The following CFAP20DC variants were observed in gnomAD, a reference collection of about 807,000 sequenced individuals.
The protein encoded by CFAP20DC is protein CFAP20DC.
Under a neutral mutation model 101.7 loss-of-function variants are expected in CFAP20DC, and 84 were observed. The observed-to-expected ratio is 0.83, with a 90% confidence interval of 0.69 to 0.99. The LOEUF is 0.99. CFAP20DC is among the 50% of genes least tolerant of loss of function. The pLI, the probability that CFAP20DC is intolerant of heterozygous loss-of-function variation, is 0.00. For synonymous variants in CFAP20DC, 359 were observed against 351.2 expected, an observed-to-expected ratio of 1.02 and a Z score of -0.25; for missense variants, 1,007 against 970.3, an observed-to-expected ratio of 1.04 and a Z score of -0.50.
intron 14 of CFAP20DC, among the ~76,000 whole-genome samples, chr3:58,820,812 C>T (rs929664397): frequency 2.7e-5 from 4 of 148,178 alleles, no homozygotes; most frequent in African/African-American, 1.0e-4. Flanking sequence ...TCATATGGAA[C>T]CAAAAAAGAG....
intron 15 of CFAP20DC, among the ~76,000 whole-genome samples, chr3:58,784,045 C>G (rs1575629351): frequency 6.8e-6 from 1 of 146,468 alleles, no homozygotes; most frequent in East Asian, 2.3e-4. Flanking sequence ...TCTATTGTTG[C>G]CATTTTTTTT....
chr3:58,992,507 C>T, intron 4 of CFAP20DC: 1 of 944,004 alleles, frequency 1.1e-6, no homozygotes, highest in Non-Finnish European at 1.3e-6. Flanking sequence ...AAAAACCTCA[C>T]CTCGTTCTTC....
chr3:58,781,592 A>T (rs559787275), intron 15 of CFAP20DC, among the ~76,000 whole-genome samples: 1 of 152,002 alleles, frequency 6.6e-6, no homozygotes, highest in Non-Finnish European at 1.5e-5. Context: ...ATCAGAAATG[A>T]AACCGAAGAT....
chr3:58,918,088 T>G (rs1559820387), intron 5 of CFAP20DC, among the ~76,000 whole-genome samples: 1 of 152,194 alleles, frequency 6.6e-6, no homozygotes, highest in Non-Finnish European at 1.5e-5. Flanking sequence ...AGTACTTACA[T>G]TCTCTGCATT....
chr3:58,832,465 G>GT lies in CFAP20DC; in HGVS notation c.1972-577dup, dbSNP rs146247818. On this transcript the variant is annotated intron_variant, in intron 13 of 16. Transcript: ENST00000482387. The stretch of plus-strand genomic sequence containing the variant: ...AGTAAATAAACAAAAACTCAAAGTA[G>GT]TTTTTTTTTTAAATTTGCCATTTAA... 2.6e-3 allele frequency among the ~76,000 whole-genome samples: 391 copies of GT among 149,512 alleles called. 1 individual carries two copies. Among genetic ancestry groups the GT allele is most frequent in the Middle Eastern group, 0.017 (5 of 290 alleles).
At chr3:58,951,588 A>T (rs2090112459) in intron 4 of CFAP20DC, among the ~76,000 whole-genome samples, 1 of 152,134 alleles carries the variant, frequency 6.6e-6, no homozygotes, top group Non-Finnish European at 1.5e-5. Flanking sequence ...TAAAAAATGA[A>T]GAGTTCATGT....
intron 4 of CFAP20DC, among the ~76,000 whole-genome samples, chr3:58,951,595 A>G (rs1042787460): frequency 8.5e-5 from 13 of 152,222 alleles, no homozygotes; most frequent in Non-Finnish European, 1.5e-5. Flanking sequence ...TGAAGAGTTC[A>G]TGTCATTTGT....
In CFAP20DC at chr3:58,859,907, G is replaced by A. The variant is rs1040850837; in HGVS notation, c.1593+3651C>T. On this transcript the variant is annotated intron_variant, in intron 12 of 16. Transcript: ENST00000482387. The surrounding 1 kb of genome is among the most constrained non-coding windows in gnomAD (Gnocchi z 4.1). ...TAAAAATCATTACTTGGCCAGGCGC[G>A]ATGGCTCATGCCTGTAATCCCAGCA... Among the ~76,000 whole-genome samples the A allele has an allele frequency of 6.6e-6, 1 of 152,178 alleles. No homozygotes were observed. Among genetic ancestry groups the A allele is most frequent in the Admixed American group, 6.5e-5 (1 of 15,268 alleles).
chr3:58,937,206 TTCA>T (rs1417389935), intron 5 of CFAP20DC, among the ~76,000 whole-genome samples: 2 of 152,226 alleles, frequency 1.3e-5, no homozygotes, highest in African/African-American at 4.8e-5. Context: ...AGATTAATTG[TTCA>T]CTGTTCTCCG....
chr3:58,992,545 C>A (rs2092975880), intron 4 of CFAP20DC: 1 of 984,038 alleles, frequency 1.0e-6, no homozygotes, highest in Non-Finnish European at 1.2e-6. Context: ...CTAGTCTACA[C>A]TAATCTCATT....
At chr3:58,862,371 G>A (rs2079322816) in intron 12 of CFAP20DC, 2 of 985,416 alleles carry the variant, frequency 2.0e-6, no homozygotes, top group Non-Finnish European at 1.2e-6. Context: ...TGTTATTAAA[G>A]GTGAAAGGAA....
At chr3:58,839,996 GAAAC>G (rs1413149329) in intron 13 of CFAP20DC, among the ~76,000 whole-genome samples, 1 of 152,096 alleles carries the variant, frequency 6.6e-6, no homozygotes. Context: ...GAAAATGAAA[GAAAC>G]AAACCATTCT....
At chr3:58,824,927 C>G (rs571015925) in intron 14 of CFAP20DC, among the ~76,000 whole-genome samples, 1 of 151,850 alleles carries the variant, frequency 6.6e-6, no homozygotes, top group Middle Eastern at 3.4e-3. Flanking sequence ...TCCCAATTAG[C>G]TGGGAATACA....
chr3:59,003,218 TA>T lies in CFAP20DC; in HGVS notation c.278+36338del, dbSNP rs533252633. Among the ~76,000 whole-genome samples the T allele has an allele frequency of 2.4e-3, 368 of 152,330 alleles. 1 individual carries two copies. The highest frequency in any genetic ancestry group is 0.011 in the South Asian group (53 of 4,826). The stretch of plus-strand genomic sequence containing the variant: ...AACAACCTAGTTGCTTATTTCTCTC[TA>T]TTTTTTTTATAAGACAACAGATAGA... On this transcript the variant is annotated intron_variant, in intron 4 of 16. Transcript: ENST00000482387.
chr3:59,025,791 T>G (rs2093882255), intron 4 of CFAP20DC, among the ~76,000 whole-genome samples: 1 of 152,206 alleles, frequency 6.6e-6, no homozygotes, highest in African/African-American at 2.4e-5. Context: ...TTTATTATTT[T>G]GTTTTACATA....
At chr3:58,843,946 T>A (rs1167738212) in intron 13 of CFAP20DC, among the ~76,000 whole-genome samples, 2 of 87,028 alleles carry the variant, frequency 2.3e-5, no homozygotes, top group Admixed American at 2.6e-4. Context: ...TAAAATACTT[T>A]ACAGACAAGC....
intron 4 of CFAP20DC, among the ~76,000 whole-genome samples, chr3:58,953,984 T>C (rs1171482908): frequency 2.0e-5 from 3 of 152,190 alleles, no homozygotes; most frequent in Non-Finnish European, 2.9e-5. Context: ...TGAGACTATG[T>C]TGAGAGAAAA....
chr3:59,000,816 C>G (rs1189558435), intron 4 of CFAP20DC, among the ~76,000 whole-genome samples: 2 of 152,072 alleles, frequency 1.3e-5, no homozygotes, highest in African/African-American at 4.8e-5. Flanking sequence ...GTTTCTGGAA[C>G]AGAAACCTCA....
In CFAP20DC at chr3:58,836,938, G is replaced by A. The variant is rs79407372; in HGVS notation, c.1972-5049C>T. On this transcript the variant is annotated intron_variant, in intron 13 of 16. Transcript: ENST00000482387. ...GGAGGATCAGTTAAAGCTTCATAAA[G>A]GATGGAGGAGACGGTCCCTAAGAAG... is the stretch of plus-strand genomic sequence containing the variant. Among the ~76,000 whole-genome samples, 657 of 152,202 alleles carry A rather than the reference G, an allele frequency of 4.3e-3. 31 individuals carry two copies. In the East Asian group the frequency reaches 0.086, roughly 20 times the overall value.
Sources: gnomAD v4.1 joint callset for allele counts (sites outside exome capture counted in the v4.1 genomes callset) on GRCh38, gnomAD v4.1.1 for gene constraint, Gnocchi (gnomAD v3.1) non-coding constraint, MANE v1.5 for transcripts, NCBI Gene and HGNC (gene_info 2026-07-23, HGNC 2026-07-21) for gene names.